Variants in PIK3CD observed in about 807,000 individuals in gnomAD.
PIK3CD encodes the protein phosphatidylinositol-4,5-bisphosphate 3-kinase catalytic subunit delta.
Under a neutral mutation model 122.9 loss-of-function variants are expected in PIK3CD, and 20 were observed. The observed-to-expected ratio is 0.16, with a 90% CI of 0.11 to 0.24. The LOEUF is 0.24. Among genes scored for constraint, PIK3CD ranks in the 10% least tolerant of loss-of-function variants. The probability of loss-of-function intolerance (pLI) is 1.00; values close to 1 mark genes in which losing one functional copy is unlikely to be tolerated. For missense variants in PIK3CD, 787 were observed against 1,406.3 expected (o/e 0.56, Z 7.04); for synonymous variants, 596 against 593.4 (o/e 1.00, Z -0.06).
the PIK3CD span, among the ~76,000 whole-genome samples, chr1:9,643,473 A>G: frequency 1.9e-5 from 2 of 102,938 alleles, no homozygotes; most frequent in Non-Finnish European, 3.9e-5. Context: ...GGAGGGAAGG[A>G]AGGGAGGGAG....
In PIK3CD at chr1:9,718,449, G is replaced by T. The variant is rs924332591; in HGVS notation, c.1021-245G>T. On this transcript the variant is annotated intron_variant, in intron 8 of 23. Transcript: ENST00000377346. This position sits in a 1 kb window ranked among gnomAD's most constrained non-coding sequence, Gnocchi z 7.2. ...GAGGCCTGGAGTGGGGAATGGACAT[G>T]CCCCGAGGTCCCCAGAGTTGGGGTA... Among the ~76,000 whole-genome samples, 2 of 152,114 alleles carry T rather than the reference G, an allele frequency of 1.3e-5. No individual in the cohort carries two copies. Among genetic ancestry groups the T allele is most frequent in the Non-Finnish European group, 2.9e-5 (2 of 68,004 alleles).
chr1:9,716,410 G>T, intron 5 of PIK3CD, 30 bp from the exon 6 acceptor site: 1 of 1,608,608 alleles, frequency 6.2e-7, no homozygotes, highest in Non-Finnish European at 8.5e-7. Flanking sequence ...GGCCTCGAGG[G>T]CAGAGGACTG....
the PIK3CD span, among the ~76,000 whole-genome samples, chr1:9,643,305 G>A: frequency 6.6e-6 from 1 of 151,594 alleles, no homozygotes; most frequent in Admixed American, 6.6e-5. Context: ...AGCTACTCAG[G>A]AAGCTGAGGC....
chr1:9,673,212 C>CCT lies in PIK3CD; in HGVS notation c.-137-18253_-137-18252dup, dbSNP rs147284049. Among the ~76,000 whole-genome samples the CCT allele has an allele frequency of 6.0e-3, 915 of 151,674 alleles. 5 individuals carry two copies. Among genetic ancestry groups the CCT allele is most frequent in the Middle Eastern group, 0.014 (4 of 294 alleles). On this transcript the variant is annotated intron_variant, in intron 1 of 23. Coordinates refer to ENST00000377346, the MANE Select transcript of PIK3CD (RefSeq NM_005026.5). ...CTCCTGGGCTTAACCCATCTTCCTGCCTCAGCCTCCTAAGTAAGCAGGGAT... is the reference window on the plus strand; with the variant it reads ...CTCCTGGGCTTAACCCATCTTCCTGCCTCTCAGCCTCCTAAGTAAGCAGGGAT...
rs1164279963 is a variant in PIK3CD at position 9,724,756 on chromosome 1, G to C, written c.2865-48G>C. The stretch of plus-strand genomic sequence containing the variant: ...TGGATGCAGAGCGGCCCTCTGGCCT[G>C]TGGCTGGGAGTTCCCAGAGCCTCAC... On this transcript the variant is annotated intron_variant, in intron 22 of 23. Coordinates refer to ENST00000377346, the MANE Select transcript of PIK3CD (RefSeq NM_005026.5). This position sits in a 1 kb window ranked among gnomAD's most constrained non-coding sequence, Gnocchi z 7.3. The C allele has an allele frequency of 6.2e-7, 1 of 1,611,478 alleles. No individual in the cohort carries two copies. The highest frequency in any genetic ancestry group is 1.7e-5 in the Admixed American group (1 of 60,018).
chr1:9,666,640 G>A (rs992791679), intron 1 of PIK3CD, among the ~76,000 whole-genome samples: 5 of 152,066 alleles, frequency 3.3e-5, no homozygotes, highest in Admixed American at 1.3e-4. Flanking sequence ...ACCTGAATTC[G>A]AGACCAACCT....
intron 1 of PIK3CD, among the ~76,000 whole-genome samples, chr1:9,679,997 G>A (rs1312891335): frequency 6.6e-6 from 1 of 151,908 alleles, no homozygotes; most frequent in Non-Finnish European, 1.5e-5. Context: ...GCTACTTTAT[G>A]TATTTTTAGT....
rs746443536 is a variant in PIK3CD at position 9,716,951 on chromosome 1, C to T, written c.781-8C>T. 14 of 1,613,620 alleles carry T rather than the reference C, an allele frequency of 8.7e-6. No individual in the cohort carries two copies. The highest frequency in any genetic ancestry group is 1.6e-4 in the Middle Eastern group (1 of 6,084). ...CCCACCAGCCGCTCACCCTGCACCC[C>T]GTCTCAGTACATCTGCAGCTGCCTG... On this transcript the variant is annotated splice_region_variant and splice_polypyrimidine_tract_variant and intron_variant, in intron 6 of 23. Coordinates refer to ENST00000377346, the MANE Select transcript of PIK3CD (RefSeq NM_005026.5).
chr1:9,717,677 G>C lies in PIK3CD; in HGVS notation c.1020+51G>C, dbSNP rs1480134078. On this transcript the variant is annotated intron_variant, in intron 8 of 23. Transcript: ENST00000377346. This position sits in a 1 kb window ranked among gnomAD's most constrained non-coding sequence, Gnocchi z 5.4. ...AGACACTGTTTTTTTGCACAAACAA[G>C]GTGGCTGTATCCTGGAGGGGTAGCA... The C allele has an allele frequency of 1.3e-6, 2 of 1,537,876 alleles. No individual in the cohort carries two copies. Among genetic ancestry groups the C allele is most frequent in the Admixed American group, 1.7e-5 (1 of 58,350 alleles).
At chr1:9,688,428 C>T (rs574200822) in intron 1 of PIK3CD, 1 of 152,284 alleles carries the variant, frequency 6.6e-6, no homozygotes, top group African/African-American at 2.4e-5. Flanking sequence ...TAGCTCTGCC[C>T]AAGAGGCTGT....
chr1:9,630,739 T>TGTGTGTGTGTGTGTGCGCGC, the PIK3CD span, among the ~76,000 whole-genome samples: 49 of 150,960 alleles, frequency 3.2e-4, no homozygotes, highest in Admixed American at 2.3e-3. Context: ...TGTGTGTGTG[T>TGTGTGTGTGTGTGTGCGCGC]GCAGAAGAGG....
rs2100426825 is a variant in PIK3CD, at chr1:9,689,716, C to T, written c.-137-1751C>T. 6.6e-6 allele frequency among the ~76,000 whole-genome samples: 1 copy of T among 151,732 alleles called. No individual in the cohort carries two copies. The highest frequency in any genetic ancestry group is 1.5e-5 in the Non-Finnish European group (1 of 67,780). On this transcript the variant is annotated intron_variant, in intron 1 of 23. Coordinates refer to ENST00000377346, the MANE Select transcript of PIK3CD (RefSeq NM_005026.5). This position sits in a 1 kb window ranked among gnomAD's most constrained non-coding sequence, Gnocchi z 6.1. ...GATCGGGCCCCGCCCCCGGCAGCGA[C>T]ACCCGGTACGGAGCCCACCTGTGCG...
chr1:9,635,694 G>T, the PIK3CD span, among the ~76,000 whole-genome samples: 1 of 152,238 alleles, frequency 6.6e-6, no homozygotes, highest in Non-Finnish European at 1.5e-5. Flanking sequence ...CCGGAGCTGG[G>T]CATCCATTGC....
chr1:9,672,010 C>A (rs776420636), intron 1 of PIK3CD, among the ~76,000 whole-genome samples: 1 of 152,086 alleles, frequency 6.6e-6, no homozygotes, highest in Non-Finnish European at 1.5e-5. Context: ...CCTTGTGCTG[C>A]GGGTTCCCAG....
At chr1:9,667,880 G>GTGC (rs905007042) in intron 1 of PIK3CD, among the ~76,000 whole-genome samples, 2 of 147,072 alleles carry the variant, frequency 1.4e-5, no homozygotes, top group African/African-American at 5.0e-5. Flanking sequence ...GGGACTACAG[G>GTGC]TGCTGCCACC....
At chr1:9,693,670 T>C (rs1205037068) in intron 2 of PIK3CD, among the ~76,000 whole-genome samples, 1 of 151,036 alleles carries the variant, frequency 6.6e-6, no homozygotes, top group Non-Finnish European at 1.5e-5. Context: ...AGTAAAGGAA[T>C]AAGAAAAAAT....
chr1:9,639,057 G>A, the PIK3CD span, among the ~76,000 whole-genome samples: 1,445 of 152,110 alleles, frequency 9.5e-3, 28 homozygotes, highest in Admixed American at 0.046. Context: ...GTGAGCCATC[G>A]CCTCCGGCCT....
chr1:9,666,925 G>A (rs553309128), intron 1 of PIK3CD, among the ~76,000 whole-genome samples: 1 of 151,972 alleles, frequency 6.6e-6, no homozygotes, highest in South Asian at 2.1e-4. Context: ...GAGTGCAGTG[G>A]CATGATCTCG....
At chr1:9,658,990 G>A (rs778056202) in intron 1 of PIK3CD, among the ~76,000 whole-genome samples, 11 of 152,240 alleles carry the variant, frequency 7.2e-5, no homozygotes, top group Non-Finnish European at 1.0e-4. Flanking sequence ...AGGAGCTGGT[G>A]TGGAGTGGAT....
Sources: gnomAD v4.1 joint callset for allele counts (sites outside exome capture counted in the v4.1 genomes callset) on GRCh38, gnomAD v4.1.1 for gene constraint, Gnocchi (gnomAD v3.1) non-coding constraint, MANE v1.5 for transcripts, NCBI Gene and HGNC (gene_info 2026-07-23, HGNC 2026-07-21) for gene names.